EXOC6B: variants seen among roughly 807,000 people sequenced by gnomAD.
The protein encoded by EXOC6B is SEC15 homolog B.
EXOC6B carries 54 observed loss-of-function variants against 113.5 expected under a neutral mutation model. The ratio of observed to expected loss-of-function variants is 0.48; its 90% CI spans 0.38 to 0.60. EXOC6B has a LOEUF of 0.60. Ranked by LOEUF, EXOC6B falls within the 20% of genes least tolerant of loss-of-function variation. The pLI, the probability that EXOC6B is intolerant of heterozygous loss-of-function variation, is 0.00. For synonymous variants in EXOC6B, 357 were observed against 339.0 expected (o/e 1.05, Z -0.58); for missense variants, 797 against 977.5 (o/e 0.82, Z 2.46).
At chr2:72,505,805 T>A (rs542218707) in intron 11 of EXOC6B, among the ~76,000 whole-genome samples, 4 of 152,158 alleles carry the variant, frequency 2.6e-5, no homozygotes, top group African/African-American at 9.6e-5. Context: ...GTTTAAGGAA[T>A]TCTCTCCAGT....
At chr2:72,776,198 A>G (rs1683692100) in intron 1 of EXOC6B, among the ~76,000 whole-genome samples, 1 of 152,214 alleles carries the variant, frequency 6.6e-6, no homozygotes, top group Non-Finnish European at 1.5e-5. Flanking sequence ...AGAAACCAAT[A>G]CTACATATCT....
intron 6 of EXOC6B, among the ~76,000 whole-genome samples, chr2:72,691,092 C>G (rs1322701985): frequency 6.6e-6 from 1 of 151,826 alleles, no homozygotes; most frequent in Non-Finnish European, 1.5e-5. Flanking sequence ...GACTCCATCT[C>G]TATTATTTAA....
rs183482113 is a variant in EXOC6B at position 72,522,947 on chromosome 2, C to T, written c.916-7821G>A. Among the ~76,000 whole-genome samples the T allele has an allele frequency of 5.9e-5, 9 of 152,278 alleles. No homozygotes were observed. The East Asian group carries it at 1.7e-3, about 29-fold the overall frequency. On this transcript the variant is annotated intron_variant, in intron 8 of 21. Transcript: ENST00000272427. The stretch of plus-strand genomic sequence containing the variant: ...CTCCTTTTCTTCCAACACATTGCTA[C>T]AAACTGTCACCATACAAATGCTAGA...
In EXOC6B at chr2:72,470,463, T is replaced by C. The variant is rs560096831; in HGVS notation, c.1801-5124A>G. Among the ~76,000 whole-genome samples, 4 of 152,280 alleles carry C rather than the reference T, an allele frequency of 2.6e-5. 1 individual carries two copies. The highest frequency in any genetic ancestry group is 9.6e-5 in the African/African-American group (4 of 41,556). Reference sequence around the variant, plus strand: ...AACTTTACTGAATTTGTTTTTCAGCTCTAAGAGTTTTTTCTTTTTAATATT... The same window carrying C: ...AACTTTACTGAATTTGTTTTTCAGCCCTAAGAGTTTTTTCTTTTTAATATT... On this transcript the variant is annotated intron_variant, in intron 17 of 21. Transcript: ENST00000272427.
chr2:72,575,487 C>T lies in EXOC6B; in HGVS notation c.846+5G>A, dbSNP rs1390703533. 6 of 1,602,494 alleles carry T rather than the reference C, an allele frequency of 3.7e-6. No homozygotes were observed. The highest frequency in any genetic ancestry group is 5.1e-6 in the Non-Finnish European group (6 of 1,176,068). On this transcript the variant is annotated splice_donor_5th_base_variant and intron_variant, in intron 7 of 21. Coordinates refer to ENST00000272427, the MANE Select transcript of EXOC6B (RefSeq NM_015189.3). ...TCTCACTTCCCAACATCAAATGTTA[C>T]TTACCTCTTCATCATCTTCCTCGTC... is the stretch of plus-strand genomic sequence containing the variant.
chr2:72,219,311 A>C (rs1680726074), intron 20 of EXOC6B, among the ~76,000 whole-genome samples: 2 of 152,000 alleles, frequency 1.3e-5, no homozygotes, highest in Admixed American at 1.3e-4. Flanking sequence ...GGACTATATG[A>C]TCTTCAATGA....
In EXOC6B at chr2:72,821,632, G is replaced by A. The variant is rs772840444; in HGVS notation, c.113+4166C>T. On this transcript the variant is annotated intron_variant, in intron 1 of 21. Coordinates refer to ENST00000272427, the MANE Select transcript of EXOC6B (RefSeq NM_015189.3). ...TCCACACAATGGAATATTATTCATC[G>A]ATAAAAAGAAATTAAGTACTGATAC... Among the ~76,000 whole-genome samples, 4 of 152,012 alleles carry A rather than the reference G, an allele frequency of 2.6e-5. No homozygotes were observed. In the East Asian group the frequency reaches 7.7e-4, roughly 29 times the overall value.
At chr2:72,611,749 AG>A (rs1318585033) in intron 6 of EXOC6B, among the ~76,000 whole-genome samples, 2 of 152,214 alleles carry the variant, frequency 1.3e-5, no homozygotes, top group East Asian at 1.9e-4. Flanking sequence ...TAACAGTAGG[AG>A]AGTTGGTAAA....
chr2:72,261,777 G>C (rs1175585910), intron 20 of EXOC6B, among the ~76,000 whole-genome samples: 2 of 152,038 alleles, frequency 1.3e-5, no homozygotes, highest in African/African-American at 4.8e-5. Flanking sequence ...CTTTCTTTAG[G>C]CTAAAATATC....
At chr2:72,780,544 C>T (rs1683967961) in intron 1 of EXOC6B, among the ~76,000 whole-genome samples, 1 of 152,098 alleles carries the variant, frequency 6.6e-6, no homozygotes, top group Admixed American at 6.6e-5. Context: ...TGAAGAGTTG[C>T]TATGTACTCT....
At chr2:72,645,810 A>G (rs1673663803) in intron 6 of EXOC6B, among the ~76,000 whole-genome samples, 1 of 152,206 alleles carries the variant, frequency 6.6e-6, no homozygotes, top group Non-Finnish European at 1.5e-5. Flanking sequence ...AGGGAAATTT[A>G]TAGCACTAAA....
chr2:72,179,483 G>A (rs778266866), intron 21 of EXOC6B, 22 bp from the exon 22 acceptor site: 3 of 1,613,536 alleles, frequency 1.9e-6, no homozygotes, highest in Non-Finnish European at 2.5e-6. Context: ...AGGAAAGAAA[G>A]AGGGCAACAT....
At chr2:72,801,080 G>T (rs995676917) in intron 1 of EXOC6B, among the ~76,000 whole-genome samples, 13 of 152,168 alleles carry the variant, frequency 8.5e-5, no homozygotes, top group African/African-American at 3.1e-4. Context: ...GTAGAACTGT[G>T]ACAGATACAA....
At chr2:72,401,547 G>GTATA (rs1199841154) in intron 18 of EXOC6B, among the ~76,000 whole-genome samples, 2 of 20,642 alleles carry the variant, frequency 9.7e-5, no homozygotes, top group East Asian at 8.8e-4. Flanking sequence ...ATATATATGT[G>GTATA]TATATATATA....
chr2:72,437,015 A>C (rs1252536911), intron 18 of EXOC6B, among the ~76,000 whole-genome samples: 1 of 152,096 alleles, frequency 6.6e-6, no homozygotes. Flanking sequence ...TTTTTGCGTT[A>C]GTTTTTCCTC....
intron 1 of EXOC6B, among the ~76,000 whole-genome samples, chr2:72,752,399 T>A (rs1010052630): frequency 1.6e-4 from 25 of 152,076 alleles, no homozygotes; most frequent in African/African-American, 6.0e-4. Context: ...CTTTCTTTGG[T>A]GGGGGGAAGC....
At chr2:72,797,074 G>T (rs1685003715) in intron 1 of EXOC6B, among the ~76,000 whole-genome samples, 1 of 152,214 alleles carries the variant, frequency 6.6e-6, no homozygotes, top group African/African-American at 2.4e-5. Context: ...TTAGATAAAA[G>T]GAATGGGAGT....
intron 20 of EXOC6B, among the ~76,000 whole-genome samples, chr2:72,270,683 T>C (rs1351292016): frequency 1.3e-5 from 2 of 152,224 alleles, no homozygotes; most frequent in African/African-American, 4.8e-5. Flanking sequence ...TTATCCAAAA[T>C]GTATCAGTAG....
chr2:72,406,894 C>T (rs1038470312), intron 18 of EXOC6B, among the ~76,000 whole-genome samples: 1 of 151,980 alleles, frequency 6.6e-6, no homozygotes, highest in African/African-American at 2.4e-5. Context: ...AAAAACCCTT[C>T]AAAAAATCAA....
Sources: allele counts gnomAD v4.1 joint callset (sites outside exome capture counted in the v4.1 genomes callset), GRCh38; gene constraint gnomAD v4.1.1; transcripts MANE v1.5; gene names NCBI Gene and HGNC (gene_info 2026-07-23, HGNC 2026-07-21).